The following EPHB2 variants were observed in gnomAD, a reference collection of about 807,000 sequenced individuals.
EPHB2 encodes the protein ephrin type-B receptor 2.
In EPHB2, 18 loss-of-function variants were observed where a neutral mutation model predicts 96.4. That is an observed-to-expected ratio of 0.19 (90% confidence interval 0.13 to 0.28). EPHB2 has a LOEUF of 0.28. Ranked by LOEUF, EPHB2 falls within the 10% of genes least tolerant of loss-of-function variation. The probability of loss-of-function intolerance (pLI) is 1.00; values close to 1 mark genes in which losing one functional copy is unlikely to be tolerated. For missense variants in EPHB2, 989 were observed against 1,355.4 expected, an observed-to-expected ratio of 0.73 and a Z score of 4.25; for synonymous variants, 506 against 534.1, an observed-to-expected ratio of 0.95 and a Z score of 0.72.
chr1:22,901,688 G>A (rs1366680139), intron 9 of EPHB2, among the ~76,000 whole-genome samples: 1 of 152,308 alleles, frequency 6.6e-6, no homozygotes, highest in East Asian at 1.9e-4. Flanking sequence ...GAGACAGACT[G>A]GGGAAGCACC....
In EPHB2 at chr1:22,790,621, C is replaced by T. The variant is rs1644676966; in HGVS notation, c.811+5545C>T. On this transcript the variant is annotated intron_variant, in intron 3 of 15. Coordinates refer to ENST00000374630, the MANE Select transcript of EPHB2 (RefSeq NM_017449.5). The surrounding 1 kb of genome is among the most constrained non-coding windows in gnomAD (Gnocchi z 4.0). Reference sequence around the variant, plus strand: ...TCTCTCCTTACCCACCTCAGTCCCACTTCTGCCTGCCCAGCAGGAACCCCC... The same window carrying T: ...TCTCTCCTTACCCACCTCAGTCCCATTTCTGCCTGCCCAGCAGGAACCCCC... Among the ~76,000 whole-genome samples, 1 of 152,250 alleles carries T rather than the reference C, an allele frequency of 6.6e-6. No homozygotes were observed. Among genetic ancestry groups the T allele is most frequent in the Non-Finnish European group, 1.5e-5 (1 of 68,042 alleles).
intron 1 of EPHB2, among the ~76,000 whole-genome samples, chr1:22,736,297 T>A (rs1643825825): frequency 6.6e-6 from 1 of 152,062 alleles, no homozygotes; most frequent in Admixed American, 6.5e-5. Flanking sequence ...TGGGGGAACG[T>A]TTGGGGACAA....
chr1:22,784,609 A>G lies in EPHB2; in HGVS notation c.344A>G (p.Tyr115Cys). The change falls in exon 3 of 16, where the codon TAC becomes TGC. Residue 115 changes from tyrosine to cysteine, a missense_variant. Tyr to Cys is a radical substitution (Grantham distance 194, BLOSUM62 -2). Coordinates refer to ENST00000374630, the MANE Select transcript of EPHB2 (RefSeq NM_017449.5). This position sits in a 1 kb window ranked among gnomAD's most constrained non-coding sequence, Gnocchi z 5.1. ...GSCKETFNLY[Y>C]YEADFDSATK... ...TGCAAGGAGACCTTCAACCTCTATT[A>G]CTATGAGGCTGACTTTGACTCGGCC... The G allele has an allele frequency of 1.2e-6, 2 of 1,614,070 alleles. No homozygotes were observed. Among genetic ancestry groups the G allele is most frequent in the Non-Finnish European group, 1.7e-6 (2 of 1,179,994 alleles).
At chr1:22,745,832 C>A (rs927419602) in intron 1 of EPHB2, among the ~76,000 whole-genome samples, 1 of 152,068 alleles carries the variant, frequency 6.6e-6, no homozygotes, top group Non-Finnish European at 1.5e-5. Flanking sequence ...CGGGGCCTGG[C>A]GTCTGCCCAC....
At chr1:22,744,425 T>A (rs1381389818) in intron 1 of EPHB2, among the ~76,000 whole-genome samples, 1 of 150,144 alleles carries the variant, frequency 6.7e-6, no homozygotes, top group East Asian at 1.9e-4. Context: ...ATATTTTGTA[T>A]GTTGTATATA....
chr1:22,823,652 A>T (rs146562269), intron 3 of EPHB2, among the ~76,000 whole-genome samples: 104 of 152,360 alleles, frequency 6.8e-4, no homozygotes, highest in African/African-American at 2.4e-3. Context: ...TAATTAAATG[A>T]ACATTGGATG....
At chr1:22,770,633 C>T (rs1013990830) in intron 1 of EPHB2, among the ~76,000 whole-genome samples, 1 of 152,150 alleles carries the variant, frequency 6.6e-6, no homozygotes, top group South Asian at 2.1e-4. Context: ...GCTAAGAGGC[C>T]ACATAGCAAA....
intron 1 of EPHB2, among the ~76,000 whole-genome samples, chr1:22,780,236 G>A (rs543514614): frequency 6.6e-6 from 1 of 152,334 alleles, no homozygotes; most frequent in Admixed American, 6.5e-5. Flanking sequence ...CCTGACCTGG[G>A]GAGAATGGGG....
In EPHB2 at chr1:22,909,180, C is replaced by T. The variant is rs1357204030; in HGVS notation, c.2502+9C>T. On this transcript the variant is annotated intron_variant, in intron 13 of 15. Transcript: ENST00000374630. ...ACATGACCAACCAGGATGTAAGTCT[C>T]CAAGGGGATAGGCAAGGCCTCTCTG... The T allele has an allele frequency of 1.2e-6, 2 of 1,614,178 alleles. No individual in the cohort carries two copies. The highest frequency in any genetic ancestry group is 1.7e-6 in the Non-Finnish European group (2 of 1,180,016).
At chr1:22,715,547 T>A (rs946582641) in intron 1 of EPHB2, among the ~76,000 whole-genome samples, 2 of 152,244 alleles carry the variant, frequency 1.3e-5, no homozygotes, top group Non-Finnish European at 2.9e-5. Flanking sequence ...TTTCTTTTGC[T>A]TCTCATTTTT....
intron 1 of EPHB2, among the ~76,000 whole-genome samples, chr1:22,749,230 A>G (rs1438639766): frequency 6.6e-6 from 1 of 152,102 alleles, no homozygotes; most frequent in African/African-American, 2.4e-5. Context: ...CAGGTTGGCC[A>G]GGCTGGTCTC....
rs1294667856 is a variant in EPHB2 at position 22,867,997 on chromosome 1, G to T, written c.1303+2785G>T. On this transcript the variant is annotated intron_variant, in intron 5 of 15. Transcript: ENST00000374630. ...GGAGAAACCCAGGCCCCCAAAGGGG[G>T]TGGTGGAGAGGGAACTCTTTCTAAC... Among the ~76,000 whole-genome samples, 3 of 152,266 alleles carry T rather than the reference G, an allele frequency of 2.0e-5. No individual in the cohort carries two copies. In the East Asian group the frequency reaches 5.8e-4, roughly 29 times the overall value.
At chr1:22,821,841 T>C (rs1645156075) in intron 3 of EPHB2, among the ~76,000 whole-genome samples, 1 of 152,210 alleles carries the variant, frequency 6.6e-6, no homozygotes, top group Admixed American at 6.5e-5. Context: ...GCTCGGACAG[T>C]CAGTTTACGA....
At position 22,906,145 on chromosome 1, in the gene EPHB2, T is replaced by C; in HGVS notation, c.1888+36T>C. ...GGTACTCTCACATGTACTATGACCT[T>C]AGCCATGGCTGGTGAGACCACCCCA... On this transcript the variant is annotated intron_variant, in intron 10 of 15. Coordinates refer to ENST00000374630, the MANE Select transcript of EPHB2 (RefSeq NM_017449.5). The surrounding 1 kb of genome is among the most constrained non-coding windows in gnomAD (Gnocchi z 4.8). 1 of 1,614,052 alleles carries C rather than the reference T, an allele frequency of 6.2e-7. No homozygotes were observed. The highest frequency in any genetic ancestry group is 8.5e-7 in the Non-Finnish European group (1 of 1,180,000).
intron 1 of EPHB2, among the ~76,000 whole-genome samples, chr1:22,742,482 T>TTC (rs1405046642): frequency 2.0e-5 from 3 of 152,162 alleles, no homozygotes; most frequent in Non-Finnish European, 4.4e-5. Context: ...ACTTCCTTCC[T>TTC]TCCTTCCTTC....
Position 22,908,460 on chromosome 1 carries a change from C to T in EPHB2, c.2352+292C>T, listed in dbSNP as rs569176781. On this transcript the variant is annotated intron_variant, in intron 12 of 15. Coordinates refer to ENST00000374630, the MANE Select transcript of EPHB2 (RefSeq NM_017449.5). ...GATATCTGAGCTGAGAGCAGAAGGG[C>T]CCGGAAACGTTTGTCAGATGCCATG... Among the ~76,000 whole-genome samples the T allele has an allele frequency of 2.6e-5, 4 of 152,302 alleles. No individual in the cohort carries two copies. The East Asian group carries it at 7.7e-4, about 29-fold the overall frequency.
intron 1 of EPHB2, among the ~76,000 whole-genome samples, chr1:22,780,195 C>A (rs1644508809): frequency 6.6e-6 from 1 of 152,204 alleles, no homozygotes; most frequent in South Asian, 2.1e-4. Flanking sequence ...GCCAGAGAGG[C>A]AAGGAAAGGG....
chr1:22,788,438 T>C (rs1415214190), intron 3 of EPHB2, among the ~76,000 whole-genome samples: 1 of 152,242 alleles, frequency 6.6e-6, no homozygotes, highest in Non-Finnish European at 1.5e-5. Flanking sequence ...CAGCTGTTGC[T>C]GTGGCCTGTG....
intron 3 of EPHB2, among the ~76,000 whole-genome samples, chr1:22,849,664 GACTA>G (rs1341351815): frequency 2.8e-4 from 43 of 152,350 alleles, no homozygotes; most frequent in Admixed American, 2.2e-3. Context: ...ATGATAAAGA[GACTA>G]ACTTTTTCTC....
Sources: allele counts gnomAD v4.1 joint callset (sites outside exome capture counted in the v4.1 genomes callset), GRCh38; gene constraint gnomAD v4.1.1; non-coding constraint Gnocchi (gnomAD v3.1); transcripts MANE v1.5; gene names NCBI Gene and HGNC (gene_info 2026-07-23, HGNC 2026-07-21).